The following PRKN variants were observed in gnomAD, a reference collection of about 807,000 sequenced individuals.
PRKN encodes E3 ubiquitin-protein ligase parkin.
In PRKN, 56 loss-of-function variants were observed where a neutral mutation model predicts 59.5. The ratio of observed to expected loss-of-function variants is 0.94; its 90% CI spans 0.76 to 1.18. The LOEUF (loss-of-function observed/expected upper bound fraction) is 1.18. PRKN is among the 50% of genes most tolerant of loss of function. The probability of loss-of-function intolerance (pLI) is 0.00; values close to 1 mark genes in which losing one functional copy is unlikely to be tolerated. For missense variants in PRKN, 657 were observed against 596.4 expected (o/e 1.10, Z -1.06); for synonymous variants, 250 against 222.1 (o/e 1.13, Z -1.12).
In PRKN at chr6:161,942,446, G is replaced by A. The variant is rs370431222; in HGVS notation, c.734+30856C>T. 4.5e-3 allele frequency among the ~76,000 whole-genome samples: 689 copies of A among 152,160 alleles called. 5 individuals are homozygous for A. The highest frequency in any genetic ancestry group is 0.016 in the African/African-American group (658 of 41,540). ...CTCGGGAGGTTGAGGCAGGAGAATC[G>A]CTTGAACCCAGGAGGCGGAGGTTGC... is the stretch of plus-strand genomic sequence containing the variant. On this transcript the variant is annotated intron_variant, in intron 6 of 11. Transcript: ENST00000366898.
At chr6:162,035,598 C>A (rs375643357) in intron 5 of PRKN, among the ~76,000 whole-genome samples, 112 of 152,174 alleles carry the variant, frequency 7.4e-4, no homozygotes, top group Middle Eastern at 3.4e-3. Flanking sequence ...ATCTGTGTGA[C>A]TAGTAAAAGA....
chr6:161,914,494 C>T lies in PRKN; in HGVS notation c.734+58808G>A, dbSNP rs576420757. 7.9e-5 allele frequency among the ~76,000 whole-genome samples: 12 copies of T among 151,994 alleles called. No homozygotes were observed. In the South Asian group the frequency reaches 1.0e-3, roughly 13 times the overall value. ...ATGAATAGGGAATAAAGAAGACTTA[C>T]TTTTTATACTACACCCATCTGCACT... On this transcript the variant is annotated intron_variant, in intron 6 of 11. Coordinates refer to ENST00000366898, the MANE Select transcript of PRKN (RefSeq NM_004562.3).
intron 4 of PRKN, among the ~76,000 whole-genome samples, chr6:162,136,008 T>G (rs2128309249): frequency 6.6e-6 from 1 of 152,020 alleles, no homozygotes; most frequent in Non-Finnish European, 1.5e-5. Flanking sequence ...GAGTTCACCC[T>G]CAGCCCTGAG....
At chr6:162,427,738 C>T (rs966237045) in intron 2 of PRKN, among the ~76,000 whole-genome samples, 1 of 151,564 alleles carries the variant, frequency 6.6e-6, no homozygotes, top group Non-Finnish European at 1.5e-5. Context: ...CTCCACTTCG[C>T]GGGTTCACAC....
At chr6:162,230,754 ACT>A (rs1383898731) in intron 3 of PRKN, among the ~76,000 whole-genome samples, 2 of 152,168 alleles carry the variant, frequency 1.3e-5, no homozygotes, top group Non-Finnish European at 2.9e-5. Flanking sequence ...TCTACAAGAA[ACT>A]CTGTTAATTG....
chr6:161,887,111 T>C (rs996735575), intron 6 of PRKN, among the ~76,000 whole-genome samples: 10 of 152,210 alleles, frequency 6.6e-5, no homozygotes, highest in African/African-American at 2.2e-4. Context: ...TTATTTTTCA[T>C]AAAGCATTAA....
At chr6:162,076,134 A>C (rs1478679281) in intron 4 of PRKN, among the ~76,000 whole-genome samples, 1 of 151,944 alleles carries the variant, frequency 6.6e-6, no homozygotes, top group African/African-American at 2.4e-5. Context: ...ACACCCAGCT[A>C]ATTTTTGTAT....
intron 2 of PRKN, among the ~76,000 whole-genome samples, chr6:162,392,051 T>G (rs1448527133): frequency 1.3e-5 from 2 of 152,024 alleles, no homozygotes; most frequent in Admixed American, 6.6e-5. Flanking sequence ...TTTTTCCTTT[T>G]GGATGCTATT....
At chr6:161,825,206 A>G (rs1479762054) in intron 6 of PRKN, among the ~76,000 whole-genome samples, 1 of 152,202 alleles carries the variant, frequency 6.6e-6, no homozygotes, top group East Asian at 1.9e-4. Context: ...AAAGAGTATT[A>G]AAGGGAATAT....
chr6:161,913,969 G>T (rs111572766), intron 6 of PRKN, among the ~76,000 whole-genome samples: 1,945 of 152,222 alleles, frequency 0.013, 40 homozygotes, highest in African/African-American at 0.042. Flanking sequence ...GTTTCCAATC[G>T]GCTGGAGCCT....
In PRKN at chr6:161,401,781, G is replaced by A. The variant is rs1203815552; in HGVS notation, c.1084-14904C>T. Among the ~76,000 whole-genome samples the A allele has an allele frequency of 6.6e-6, 1 of 152,166 alleles. No individual in the cohort carries two copies. Among genetic ancestry groups the A allele is most frequent in the African/African-American group, 2.4e-5 (1 of 41,432 alleles). On this transcript the variant is annotated intron_variant, in intron 9 of 11. Coordinates refer to ENST00000366898, the MANE Select transcript of PRKN (RefSeq NM_004562.3). The surrounding 1 kb of genome is among the most constrained non-coding windows in gnomAD (Gnocchi z 4.4). ...AGACAGCTGCATTTGGATTTCCGGG[G>A]GCTGGACTGGATCTCAGATGTTTCT...
rs142577985 is a variant in PRKN, at chr6:161,806,175, C to A, written c.735-20267G>T. Among the ~76,000 whole-genome samples the A allele has an allele frequency of 7.4e-4, 113 of 152,310 alleles. No homozygotes were observed. In the East Asian group the frequency reaches 0.02, roughly 28 times the overall value. ...TCCAAGCAGCCATGTCATTACCAAC[C>A]TGCCCCACAACACAGTTGCTCACAC... On this transcript the variant is annotated intron_variant, in intron 6 of 11. Coordinates refer to ENST00000366898, the MANE Select transcript of PRKN (RefSeq NM_004562.3).
At chr6:161,978,884 G>T (rs996105355) in intron 5 of PRKN, among the ~76,000 whole-genome samples, 10 of 152,226 alleles carry the variant, frequency 6.6e-5, no homozygotes, top group Non-Finnish European at 2.9e-5. Flanking sequence ...GGGAGCAGCC[G>T]GGCAGTGTCC....
chr6:162,399,941 C>T (rs1396100087), intron 2 of PRKN, among the ~76,000 whole-genome samples: 3 of 152,218 alleles, frequency 2.0e-5, no homozygotes, highest in African/African-American at 7.2e-5. Context: ...CACAGTGGCT[C>T]ACGCTTGTAA....
chr6:162,628,276 G>T (rs556605219), intron 1 of PRKN, among the ~76,000 whole-genome samples: 1 of 152,256 alleles, frequency 6.6e-6, no homozygotes, highest in East Asian at 1.9e-4. Context: ...AAACATAACT[G>T]TATGACCTAA....
Position 161,874,498 on chromosome 6 carries a change from AATATATTATATGTAAAAT to A in PRKN, c.735-88608_735-88591del, listed in dbSNP as rs1275045882. Among the ~76,000 whole-genome samples the A allele has an allele frequency of 2.4e-3, 196 of 80,476 alleles. 34 individuals carry two copies. The highest frequency in any genetic ancestry group is 0.016 in the Middle Eastern group (1 of 64). The allele number at this position is 80,476 out of a possible 152,430, so 52.8% of individuals were successfully genotyped here. A position where few individuals can be genotyped will look rare whatever the true frequency, so the allele number is the denominator to read the frequency against. On this transcript the variant is annotated intron_variant, in intron 6 of 11. Coordinates refer to ENST00000366898, the MANE Select transcript of PRKN (RefSeq NM_004562.3). Reference sequence around the variant, plus strand: ...TATGTAAAATATATATTATATGTAAAATATATTATATGTAAAATATATATTATATGTAAAATATATATT... The same window carrying A: ...TATGTAAAATATATATTATATGTAAAATATATTATATGTAAAATATATATT...
rs1334182216 is a variant in PRKN, at chr6:161,402,187, GCA to G, written c.1084-15312_1084-15311del. 6.6e-6 allele frequency among the ~76,000 whole-genome samples: 1 copy of G among 152,076 alleles called. No homozygotes were observed. Among genetic ancestry groups the G allele is most frequent in the Non-Finnish European group, 1.5e-5 (1 of 68,024 alleles). Reference sequence around the variant, plus strand: ...ATAACTCATGCCTCGGGGGTCGTGAGCAGGAGGTGAAGCCAAATGCCTTCAGT... The same window carrying G: ...ATAACTCATGCCTCGGGGGTCGTGAGGGAGGTGAAGCCAAATGCCTTCAGT... On this transcript the variant is annotated intron_variant, in intron 9 of 11. Transcript: ENST00000366898. The surrounding 1 kb of genome is among the most constrained non-coding windows in gnomAD (Gnocchi z 4.5).
intron 2 of PRKN, among the ~76,000 whole-genome samples, chr6:162,277,705 C>T (rs1780696978): frequency 6.6e-6 from 1 of 151,326 alleles, no homozygotes; most frequent in African/African-American, 2.5e-5. Context: ...CTTATGTCCT[C>T]AGGGAGCAGC....
chr6:162,399,712 G>C (rs1224330908), intron 2 of PRKN, among the ~76,000 whole-genome samples: 1 of 152,020 alleles, frequency 6.6e-6, no homozygotes, highest in African/African-American at 2.4e-5. Context: ...CCAAGCAGTT[G>C]TGTCCATGAA....
Sources: allele counts gnomAD v4.1 joint callset (sites outside exome capture counted in the v4.1 genomes callset), GRCh38; gene constraint gnomAD v4.1.1; non-coding constraint Gnocchi (gnomAD v3.1); transcripts MANE v1.5; gene names NCBI Gene and HGNC (gene_info 2026-07-23, HGNC 2026-07-21).